The following HDLBP variants were observed in gnomAD, a reference collection of about 807,000 sequenced individuals.
The protein encoded by HDLBP is vigilin.
HDLBP carries 30 observed loss-of-function variants against 137.3 expected under a neutral mutation model. The observed-to-expected ratio is 0.22, with a 90% CI of 0.16 to 0.30. HDLBP has a LOEUF of 0.30. HDLBP is among the 10% of genes least tolerant of loss of function. The pLI, the probability that HDLBP is intolerant of heterozygous loss-of-function variation, is 1.00. For missense variants in HDLBP, 1,119 were observed against 1,667.3 expected, an observed-to-expected ratio of 0.67 and a Z score of 5.73; for synonymous variants, 606 against 596.0, an observed-to-expected ratio of 1.02 and a Z score of -0.24.
At position 241,272,645 on chromosome 2, in the gene HDLBP, C is replaced by T; in HGVS notation, c.-102-4104G>A. On this transcript the variant is annotated intron_variant, in intron 1 of 27. Coordinates refer to ENST00000310931, the MANE Select transcript of HDLBP (RefSeq NM_005336.6). This position sits in a 1 kb window ranked among gnomAD's most constrained non-coding sequence, Gnocchi z 5.6. Reference sequence around the variant, plus strand: ...CCGGGTGGGGGCCGCGGCACCCGGGCCCCTCCCCCTCCGCGGCCTCCACGT... The same window carrying T: ...CCGGGTGGGGGCCGCGGCACCCGGGTCCCTCCCCCTCCGCGGCCTCCACGT... 1.1e-6 allele frequency: 1 copy of T among 952,304 alleles called. No homozygotes were observed. Among genetic ancestry groups the T allele is most frequent in the Non-Finnish European group, 1.2e-6 (1 of 801,730 alleles). 59.0% of individuals were successfully genotyped at this position (952,304 alleles called of 1,614,324 possible).
intron 3 of HDLBP, 98 bp from the exon 4 acceptor site, chr2:241,264,703 AC>A: frequency 8.5e-7 from 1 of 1,179,798 alleles, no homozygotes; most frequent in East Asian, 2.4e-5. Context: ...ACAAACAAGA[AC>A]CATCAAATGC....
rs373792648 is a variant in HDLBP, at chr2:241,247,185, A to C, written c.1732-43T>G. 3.4e-4 allele frequency: 428 copies of C among 1,263,424 alleles called. 4 individuals are homozygous for C. In the South Asian group the frequency reaches 4.9e-3, roughly 15 times the overall value. 78.3% of individuals were successfully genotyped at this position (1,263,424 alleles called of 1,614,324 possible). On this transcript the variant is annotated intron_variant, in intron 14 of 27. Coordinates refer to ENST00000310931, the MANE Select transcript of HDLBP (RefSeq NM_005336.6). ...CAGCCCGATTCACCACCTGTGCTAG[A>C]GAGTAAAATACAGTATCCCTTCTAC...
chr2:241,268,082 C>T, intron 2 of HDLBP: 1 of 535,272 alleles, frequency 1.9e-6, no homozygotes. Context: ...GCATCAATTA[C>T]TCGCACAACA....
At chr2:241,247,290 A>G in intron 14 of HDLBP, 148 bp from the exon 15 acceptor site, 1 of 626,648 alleles carries the variant, frequency 1.6e-6, no homozygotes, top group Non-Finnish European at 2.9e-6. Context: ...GGTAAGTGAG[A>G]TAGATCATTT....
rs147572258 is a variant in HDLBP, at chr2:241,255,125, G to C, written c.1114C>G (p.Pro372Ala). The C allele has an allele frequency of 4.5e-4, 722 of 1,614,166 alleles. No individual in the cohort carries two copies. The highest frequency in any genetic ancestry group is 1.2e-3 in the Middle Eastern group (7 of 6,062). ...NSFTVSSVAA[P>A]SWLHRFIIGK... ...ATGATGAAACGGTGAAGCCAGGAAG[G>C]GGCGGCGACAGAGGAGACGGTGAAG... is the stretch of plus-strand genomic sequence containing the variant. Residue 372 changes from proline to alanine, a missense_variant, in exon 9 of 28, where the codon CCT (proline) becomes GCT (alanine). By Grantham distance (27) the Pro-to-Ala change is conservative (BLOSUM62 -1). Around this residue, in one of 4 missense-constraint regions of HDLBP, gnomAD observed 425 missense variants for 693.9 expected, o/e 0.61. Coordinates refer to ENST00000310931, the MANE Select transcript of HDLBP (RefSeq NM_005336.6).
intron 1 of HDLBP, among the ~76,000 whole-genome samples, chr2:241,286,086 T>C: frequency 6.6e-6 from 1 of 152,208 alleles, no homozygotes; most frequent in East Asian, 1.9e-4. Flanking sequence ...GATTATGAGT[T>C]TCTTAAATTT....
Position 241,248,033 on chromosome 2 carries a change from T to C in HDLBP, c.1701A>G (p.Thr567=). ...RGPKNEVEKC[T]KYMQKMVADL... ...CTGCCACCATCTTCTGCATGTATTT[T>C]GTGCATTTTTCCACCTCATTCTTAG... The change falls in exon 14 of 28, where the codon ACA becomes ACG. Residue 567 remains threonine, a synonymous_variant. Coordinates refer to ENST00000310931, the MANE Select transcript of HDLBP (RefSeq NM_005336.6). 1.2e-6 allele frequency: 2 copies of C among 1,613,936 alleles called. 1 individual carries two copies. Among genetic ancestry groups the C allele is most frequent in the South Asian group, 2.2e-5 (2 of 91,080 alleles).
At chr2:241,297,384 T>C (rs1005587046) in intron 1 of HDLBP, among the ~76,000 whole-genome samples, 4 of 152,148 alleles carry the variant, frequency 2.6e-5, no homozygotes, top group Admixed American at 1.3e-4. Flanking sequence ...AGTTATCCAC[T>C]TGGAAAGCGA....
rs748902590 is a variant in HDLBP at position 241,233,997 on chromosome 2, T to C, written c.3145-34A>G. The C allele has an allele frequency of 3.1e-6, 5 of 1,613,078 alleles. No homozygotes were observed. Among genetic ancestry groups the C allele is most frequent in the Admixed American group, 1.7e-5 (1 of 59,988 alleles). Reference sequence around the variant, plus strand: ...GAAAGGAGCAAGAATGAGGCAAAGATTGAGCTGATCCACCCTGTGACTCCA... The same window carrying C: ...GAAAGGAGCAAGAATGAGGCAAAGACTGAGCTGATCCACCCTGTGACTCCA... On this transcript the variant is annotated intron_variant, in intron 23 of 27. Coordinates refer to ENST00000310931, the MANE Select transcript of HDLBP (RefSeq NM_005336.6). The surrounding 1 kb of genome is among the most constrained non-coding windows in gnomAD (Gnocchi z 4.3).
intron 23 of HDLBP, 57 bp from the exon 24 acceptor site, chr2:241,234,020 C>G: frequency 1.9e-6 from 3 of 1,594,362 alleles, no homozygotes; most frequent in Non-Finnish European, 2.6e-6. Context: ...CCCTGTGACT[C>G]CATTCCCCTT....
At chr2:241,295,984 A>G (rs2075164346) in intron 1 of HDLBP, among the ~76,000 whole-genome samples, 1 of 151,852 alleles carries the variant, frequency 6.6e-6, no homozygotes, top group African/African-American at 2.4e-5. Flanking sequence ...ATGTGTGGTA[A>G]TTTGTTACGG....
At chr2:241,280,654 T>C (rs2074562521) in intron 1 of HDLBP, among the ~76,000 whole-genome samples, 1 of 152,224 alleles carries the variant, frequency 6.6e-6, no homozygotes, top group South Asian at 2.1e-4. Flanking sequence ...TGAGAACAAA[T>C]TGTATAAAGA....
intron 5 of HDLBP, among the ~76,000 whole-genome samples, chr2:241,260,991 G>A (rs4675970): frequency 0.16 from 24,981 of 151,772 alleles, 2,576 homozygotes; most frequent in Admixed American, 0.36. Flanking sequence ...AGGGGTTTGA[G>A]ACCAGAGTGG....
At chr2:241,249,237 C>T (rs2071920079) in intron 12 of HDLBP, 6 of 454,584 alleles carry the variant, frequency 1.3e-5, no homozygotes, top group Non-Finnish European at 2.3e-5. Flanking sequence ...TGACAGGGAA[C>T]CCTGGGGCTT....
Position 241,238,130 on chromosome 2 carries a change from C to T in HDLBP, c.2749+519G>A, listed in dbSNP as rs896960464. On this transcript the variant is annotated intron_variant, in intron 20 of 27. Coordinates refer to ENST00000310931, the MANE Select transcript of HDLBP (RefSeq NM_005336.6). This position sits in a 1 kb window ranked among gnomAD's most constrained non-coding sequence, Gnocchi z 4.9. ...AGAGAGGCAACCGACCCGCATCCCA[C>T]AGGTCGCCTCCCCACCACCAGGTGC... Among the ~76,000 whole-genome samples the T allele has an allele frequency of 6.6e-6, 1 of 152,238 alleles. No homozygotes were observed. Among genetic ancestry groups the T allele is most frequent in the African/African-American group, 2.4e-5 (1 of 41,464 alleles).
rs550140061 is a variant in HDLBP, at chr2:241,240,450, C to A, written c.2170-328G>T. 5.9e-5 allele frequency among the ~76,000 whole-genome samples: 9 copies of A among 151,728 alleles called. No individual in the cohort carries two copies. In the East Asian group the frequency reaches 1.7e-3, roughly 29 times the overall value. On this transcript the variant is annotated intron_variant, in intron 17 of 27. Coordinates refer to ENST00000310931, the MANE Select transcript of HDLBP (RefSeq NM_005336.6). The surrounding 1 kb of genome is among the most constrained non-coding windows in gnomAD (Gnocchi z 5.5). ...TCTGCACAGGGGGAGGTGGGAGCAA[C>A]GCGCCGGACGATATGTTGGCGGAGT...
intron 1 of HDLBP, among the ~76,000 whole-genome samples, chr2:241,293,601 G>A (rs2149663728): frequency 6.6e-6 from 1 of 150,400 alleles, no homozygotes; most frequent in East Asian, 2.0e-4. Flanking sequence ...GACAGAGCGA[G>A]ACTCTGCCTC....
chr2:241,247,574 G>A (rs1287065467), intron 14 of HDLBP, among the ~76,000 whole-genome samples: 1 of 152,166 alleles, frequency 6.6e-6, no homozygotes, highest in Non-Finnish European at 1.5e-5. Flanking sequence ...GGCTGCCTGT[G>A]GCCTTCTCAT....
intron 2 of HDLBP, among the ~76,000 whole-genome samples, chr2:241,268,155 A>G (rs1458677775): frequency 1.3e-5 from 2 of 152,250 alleles, no homozygotes; most frequent in Non-Finnish European, 2.9e-5. Flanking sequence ...CCTCTCCCCA[A>G]GTTGAAGAAA....
Sources: gnomAD v4.1 joint callset for allele counts (sites outside exome capture counted in the v4.1 genomes callset) on GRCh38, gnomAD v4.1.1 for gene constraint, gnomAD v4.1.1 regional missense constraint, Gnocchi (gnomAD v3.1) non-coding constraint, MANE v1.5 for transcripts, NCBI Gene and HGNC (gene_info 2026-07-23, HGNC 2026-07-21) for gene names.